Variants in EMC2 observed in about 807,000 individuals in gnomAD.
The protein encoded by EMC2 is TPR repeat protein 35.
EMC2 carries 37 observed loss-of-function variants against 51.6 expected under a neutral mutation model. The observed-to-expected ratio is 0.72, with a 90% CI of 0.55 to 0.94. EMC2 has a LOEUF of 0.94. Among genes scored for constraint, EMC2 ranks in the 40% least tolerant of loss-of-function variants. The pLI is 0.00. For synonymous variants in EMC2, 131 were observed against 112.4 expected (o/e 1.17, Z -1.04); for missense variants, 359 against 350.9 (o/e 1.02, Z -0.18).
At chr8:108,449,622 G>T (rs528544610) in intron 1 of EMC2, among the ~76,000 whole-genome samples, 6 of 152,290 alleles carry the variant, frequency 3.9e-5, no homozygotes, top group African/African-American at 1.4e-4. Context: ...TGCTGTTTCA[G>T]TCTTCTAAAG....
rs944534115 is a variant in EMC2, at chr8:108,487,570, A to T, written c.*972A>T. ...AAAGTTAAATTTCATTTAGACACAA[A>T]TCAGTTTTTAAAATAGCAACTGTTC... On this transcript the variant is annotated 3_prime_UTR_variant, in exon 11 of 11. Transcript: ENST00000220853. Among the ~76,000 whole-genome samples, 1 of 151,980 alleles carries T rather than the reference A, an allele frequency of 6.6e-6. No homozygotes were observed. The highest frequency in any genetic ancestry group is 2.4e-5 in the African/African-American group (1 of 41,438).
At chr8:108,468,069 G>A (rs1296410741) in intron 5 of EMC2, among the ~76,000 whole-genome samples, 1 of 152,106 alleles carries the variant, frequency 6.6e-6, no homozygotes, top group African/African-American at 2.4e-5. Context: ...ATTATGCTCT[G>A]TATATTGTCT....
intron 1 of EMC2, among the ~76,000 whole-genome samples, chr8:108,448,146 CT>C (rs1188596821): frequency 1.3e-5 from 2 of 152,058 alleles, no homozygotes; most frequent in Non-Finnish European, 2.9e-5. Context: ...AATATCCAAA[CT>C]ATTGTACGAA....
chr8:108,459,598 G>C (rs552225830), intron 5 of EMC2, among the ~76,000 whole-genome samples: 2 of 152,142 alleles, frequency 1.3e-5, no homozygotes, highest in Admixed American at 1.3e-4. Context: ...GGAAAGACAC[G>C]CCCCATAATT....
intron 5 of EMC2, chr8:108,464,166 T>G (rs1375724057): frequency 6.6e-6 from 1 of 152,182 alleles, no homozygotes; most frequent in Admixed American, 6.5e-5. Flanking sequence ...CAGTTAACAC[T>G]CAGCCAGTTC....
chr8:108,485,356 T>A (rs1356947258), intron 10 of EMC2, among the ~76,000 whole-genome samples: 1 of 149,760 alleles, frequency 6.7e-6, no homozygotes, highest in African/African-American at 2.4e-5. Flanking sequence ...ACACTAGATG[T>A]TGCTAATACC....
chr8:108,465,912 T>G (rs1430308057), intron 5 of EMC2, among the ~76,000 whole-genome samples: 1 of 152,176 alleles, frequency 6.6e-6, no homozygotes, highest in Non-Finnish European at 1.5e-5. Context: ...AAGCTGCAGC[T>G]TTCTACAGAA....
At chr8:108,448,318 G>A (rs1382625069) in intron 1 of EMC2, among the ~76,000 whole-genome samples, 2 of 152,180 alleles carry the variant, frequency 1.3e-5, no homozygotes, top group Non-Finnish European at 2.9e-5. Flanking sequence ...AGTGTATCAA[G>A]TCCATGTTCT....
intron 5 of EMC2, among the ~76,000 whole-genome samples, chr8:108,458,142 T>A (rs538421611): frequency 6.6e-6 from 1 of 152,390 alleles, no homozygotes; most frequent in East Asian, 1.9e-4. Flanking sequence ...GTAATGCTGA[T>A]GCAGGAGGTG....
intron 10 of EMC2, among the ~76,000 whole-genome samples, chr8:108,479,938 A>G (rs372567227): frequency 3.9e-5 from 6 of 152,098 alleles, no homozygotes; most frequent in African/African-American, 9.7e-5. Flanking sequence ...CCGTCAGGAA[A>G]TATGATGCCG....
chr8:108,482,722 T>C lies in EMC2; in HGVS notation c.807+3612T>C, dbSNP rs192054325. 2.3e-3 allele frequency among the ~76,000 whole-genome samples: 355 copies of C among 152,176 alleles called. 4 individuals carry two copies. The highest frequency in any genetic ancestry group is 2.5e-4 in the Non-Finnish European group (17 of 67,986). On this transcript the variant is annotated intron_variant, in intron 10 of 10. Transcript: ENST00000220853. ...CCTCAGCCTCCCAACTAGCTGGTAC[T>C]GTAGACGCATGTCACCGTGCTCGGC...
At chr8:108,462,953 G>T (rs995560607) in intron 5 of EMC2, among the ~76,000 whole-genome samples, 7 of 151,966 alleles carry the variant, frequency 4.6e-5, no homozygotes, top group Non-Finnish European at 1.5e-5. Context: ...CTCCTTTTAC[G>T]CTTTTTTCAA....
intron 5 of EMC2, among the ~76,000 whole-genome samples, chr8:108,461,795 A>C (rs964903387): frequency 1.3e-5 from 2 of 152,034 alleles, no homozygotes; most frequent in East Asian, 1.9e-4. Flanking sequence ...CTGTTCCTCT[A>C]TCCCTGAGCT....
chr8:108,450,773 A>G (rs1213976994), intron 3 of EMC2, among the ~76,000 whole-genome samples: 1 of 152,248 alleles, frequency 6.6e-6, no homozygotes, highest in Non-Finnish European at 1.5e-5. Context: ...AGTTTAAAAT[A>G]AGAAAGTTTA....
intron 1 of EMC2, among the ~76,000 whole-genome samples, chr8:108,445,672 A>G (rs1423952616): frequency 6.6e-6 from 1 of 152,060 alleles, no homozygotes; most frequent in Non-Finnish European, 1.5e-5. Context: ...ATTCTATTCT[A>G]ATACTATTGA....
intron 5 of EMC2, among the ~76,000 whole-genome samples, chr8:108,466,701 G>A (rs1819476118): frequency 6.6e-6 from 1 of 152,096 alleles, no homozygotes; most frequent in Non-Finnish European, 1.5e-5. Context: ...TGATCCTCCC[G>A]CTTTGGCCTT....
intron 4 of EMC2, 145 bp from the exon 5 acceptor site, chr8:108,455,728 G>A (rs1347265637): frequency 3.0e-5 from 10 of 337,220 alleles, no homozygotes; most frequent in African/African-American, 1.1e-4. Flanking sequence ...GGAAGACTTC[G>A]GTAACGATTA....
chr8:108,446,815 C>T (rs1023128739), intron 1 of EMC2, among the ~76,000 whole-genome samples: 1 of 152,098 alleles, frequency 6.6e-6, no homozygotes, highest in Non-Finnish European at 1.5e-5. Context: ...GTTAATAGTG[C>T]TACAAATGTA....
At chr8:108,465,544 G>T (rs2130377422) in intron 5 of EMC2, among the ~76,000 whole-genome samples, 1 of 152,286 alleles carries the variant, frequency 6.6e-6, no homozygotes. Context: ...TTGGCCAGTT[G>T]ATTTACTTTT....
Sources: gnomAD v4.1 joint callset for allele counts (sites outside exome capture counted in the v4.1 genomes callset) on GRCh38, gnomAD v4.1.1 for gene constraint, MANE v1.5 for transcripts, NCBI Gene and HGNC (gene_info 2026-07-23, HGNC 2026-07-21) for gene names.